The following ATP8A2 variants were observed in gnomAD, a reference collection of about 807,000 sequenced individuals.
ATP8A2 encodes phospholipid-transporting ATPase IB.
A neutral mutation model predicts 165.6 loss-of-function variants in ATP8A2; 100 were observed. The ratio of observed to expected loss-of-function variants is 0.60; its 90% CI spans 0.51 to 0.71. ATP8A2 has a LOEUF of 0.71. Among genes scored for constraint, ATP8A2 ranks in the 30% least tolerant of loss-of-function variants. The pLI is 0.00. For synonymous variants in ATP8A2, 543 were observed against 548.8 expected, an observed-to-expected ratio of 0.99 and a Z score of 0.15; for missense variants, 1,227 against 1,479.5, an observed-to-expected ratio of 0.83 and a Z score of 2.80.
At chr13:25,589,117 A>AT (rs2040000489) in intron 23 of ATP8A2, among the ~76,000 whole-genome samples, 1 of 152,178 alleles carries the variant, frequency 6.6e-6, no homozygotes, top group East Asian at 1.9e-4. Context: ...TAAAAAAAAA[A>AT]GCCTTTTTAA....
intron 1 of ATP8A2, among the ~76,000 whole-genome samples, chr13:25,391,559 C>T (rs1470203433): frequency 6.6e-6 from 1 of 152,242 alleles, no homozygotes. Context: ...TAACTGTATA[C>T]TGCTTTACAT....
At chr13:25,398,974 T>C (rs1315404098) in intron 1 of ATP8A2, among the ~76,000 whole-genome samples, 2 of 152,194 alleles carry the variant, frequency 1.3e-5, no homozygotes, top group Admixed American at 6.5e-5. Context: ...TATAATAAGA[T>C]ATTTTTACTA....
intron 33 of ATP8A2, among the ~76,000 whole-genome samples, chr13:25,939,949 G>A (rs1955024175): frequency 6.6e-6 from 1 of 152,068 alleles, no homozygotes; most frequent in South Asian, 2.1e-4. Context: ...GCCCTTCTTG[G>A]TTCTGGGTTT....
chr13:25,890,453 AAT>A (rs1431330843), intron 33 of ATP8A2, among the ~76,000 whole-genome samples: 1 of 152,184 alleles, frequency 6.6e-6, no homozygotes, highest in African/African-American at 2.4e-5. Flanking sequence ...GTTCTAATGA[AAT>A]ATATTGTACT....
At chr13:25,850,300 C>G (rs1197009690) in intron 30 of ATP8A2, among the ~76,000 whole-genome samples, 1 of 152,156 alleles carries the variant, frequency 6.6e-6, no homozygotes, top group Non-Finnish European at 1.5e-5. Flanking sequence ...TCTCCATATG[C>G]ACTTTGGATA....
intron 35 of ATP8A2, among the ~76,000 whole-genome samples, chr13:25,970,245 TCAAACATTTTACAGGACGA>T (rs2139214231): frequency 6.6e-6 from 1 of 152,346 alleles, no homozygotes; most frequent in East Asian, 1.9e-4. Flanking sequence ...CAAACTCCTC[TCAAACATTTTACAGGACGA>T]CATCACATAT....
chr13:25,692,939 A>G (rs2042757005), intron 24 of ATP8A2, among the ~76,000 whole-genome samples: 2 of 152,244 alleles, frequency 1.3e-5, no homozygotes, highest in Admixed American at 6.5e-5. Context: ...AGCTAGAAAT[A>G]TACAGTTTAA....
At chr13:25,636,033 G>T (rs1233452421) in intron 24 of ATP8A2, among the ~76,000 whole-genome samples, 2 of 152,140 alleles carry the variant, frequency 1.3e-5, no homozygotes, top group African/African-American at 4.8e-5. Context: ...AGTATGGGGG[G>T]AAGAGGTGGG....
At chr13:25,675,421 G>A (rs145383626) in intron 24 of ATP8A2, among the ~76,000 whole-genome samples, 318 of 152,326 alleles carry the variant, frequency 2.1e-3, no homozygotes, top group Non-Finnish European at 3.8e-3. Flanking sequence ...GTAGAACAGG[G>A]CAGACAGAAT....
At chr13:25,764,470 A>T (rs553882488) in intron 25 of ATP8A2, among the ~76,000 whole-genome samples, 1 of 152,306 alleles carries the variant, frequency 6.6e-6, no homozygotes, top group Admixed American at 6.5e-5. Flanking sequence ...GCTAGAAAAC[A>T]TTTTTACTAG....
chr13:25,525,695 A>G (rs1250640768), intron 2 of ATP8A2, among the ~76,000 whole-genome samples: 3 of 151,944 alleles, frequency 2.0e-5, no homozygotes, highest in Admixed American at 6.6e-5. Context: ...GAGGTTCTTT[A>G]TACGTTATTT....
chr13:25,790,924 C>A (rs906695012), intron 27 of ATP8A2, among the ~76,000 whole-genome samples: 9 of 152,138 alleles, frequency 5.9e-5, no homozygotes, highest in African/African-American at 2.2e-4. Flanking sequence ...TGCTTATACA[C>A]TGTTGGTGGG....
intron 24 of ATP8A2, among the ~76,000 whole-genome samples, chr13:25,667,641 CT>C (rs58560172): frequency 0.92 from 137,858 of 150,526 alleles, 63,988 homozygotes; most frequent in Non-Finnish European, 0.99. Context: ...AGATAAGCCT[CT>C]TTTTTTTTTT....
intron 25 of ATP8A2, among the ~76,000 whole-genome samples, chr13:25,738,817 T>G (rs1460483911): frequency 6.6e-6 from 1 of 152,264 alleles, no homozygotes; most frequent in Non-Finnish European, 1.5e-5. Context: ...AAGGTAAATC[T>G]GCATCTGTTA....
rs1046407630 is a variant in ATP8A2, at chr13:25,636,252, C to T, written c.2211+46553C>T. 5.3e-5 allele frequency among the ~76,000 whole-genome samples: 8 copies of T among 152,184 alleles called. 1 individual carries two copies. Among genetic ancestry groups the T allele is most frequent in the South Asian group, 2.1e-4 (1 of 4,814 alleles). ...GTAGCAGGGCCTTTTTTTCTAACCC[C>T]CTGCTGTGTTTCTGTCTAGACTCTT... On this transcript the variant is annotated intron_variant, in intron 24 of 36. Transcript: ENST00000381655.
rs867408012 is a variant in ATP8A2, at chr13:25,570,840, G to A, written c.1547G>A (p.Gly516Glu). Reference sequence around the variant, plus strand: ...CACACGGTTGTTCCTGAGAAGGATGGAGATAACATCATCTACCAGGCCTCT... The same window carrying A: ...CACACGGTTGTTCCTGAGAAGGATGAAGATAACATCATCTACCAGGCCTCT... ...VCHTVVPEKDGDNIIYQASSP... is the reference protein window; with the variant it reads ...VCHTVVPEKDEDNIIYQASSP... Residue 516 changes from glycine to glutamate, a missense_variant, in exon 17 of 37, where the codon GGA becomes GAA. Coordinates refer to ENST00000381655, the MANE Select transcript of ATP8A2 (RefSeq NM_016529.6). The A allele has an allele frequency of 6.2e-7, 1 of 1,613,700 alleles. No individual in the cohort carries two copies. Among genetic ancestry groups the A allele is most frequent in the Middle Eastern group, 1.7e-4 (1 of 6,058 alleles).
At chr13:25,828,222 A>C (rs1252955190) in intron 28 of ATP8A2, 30 bp downstream of exon 28, 8 of 1,548,658 alleles carry the variant, frequency 5.2e-6, no homozygotes, top group Non-Finnish European at 7.1e-6. Flanking sequence ...ATCTGATAGC[A>C]TGCAGAACTT....
chr13:25,569,033 T>C (rs769579332), intron 16 of ATP8A2, among the ~76,000 whole-genome samples: 96 of 152,334 alleles, frequency 6.3e-4, no homozygotes, highest in Non-Finnish European at 9.3e-4. Context: ...TTAGAAAATA[T>C]CTCACTACTA....
At chr13:25,843,475 G>A (rs528191641) in intron 30 of ATP8A2, among the ~76,000 whole-genome samples, 5 of 152,152 alleles carry the variant, frequency 3.3e-5, no homozygotes, top group East Asian at 1.9e-4. Context: ...TCGTGAGGGC[G>A]GATCTCTCAG....
Sources: gnomAD v4.1 joint callset for allele counts (sites outside exome capture counted in the v4.1 genomes callset) on GRCh38, gnomAD v4.1.1 for gene constraint, MANE v1.5 for transcripts, NCBI Gene and HGNC (gene_info 2026-07-23, HGNC 2026-07-21) for gene names.